The following AK6 variants were observed in gnomAD, a reference collection of about 807,000 sequenced individuals.
The protein encoded by AK6 is adenylate kinase 6.
In AK6, 24 loss-of-function variants were observed where a neutral mutation model predicts 23.7. The ratio of observed to expected loss-of-function variants is 1.01; its 90% CI spans 0.73 to 1.43. The LOEUF is 1.43. AK6 is among the 40% of genes most tolerant of loss of function. The probability of loss-of-function intolerance (pLI) is 0.00; values close to 1 mark genes in which losing one functional copy is unlikely to be tolerated. For synonymous variants in AK6, 73 were observed against 69.8 expected (o/e 1.05, Z -0.23); for missense variants, 191 against 199.1 (o/e 0.96, Z 0.24).
intron 1 of AK6, among the ~76,000 whole-genome samples, chr5:69,368,476 T>C (rs1314703603): frequency 1.3e-5 from 2 of 152,190 alleles, no homozygotes; most frequent in Non-Finnish European, 2.9e-5. Flanking sequence ...GTTTTGACAA[T>C]GACTTAATAA....
intron 4 of AK6, 110 bp from the exon 5 acceptor site, chr5:69,352,363 A>T: frequency 2.5e-6 from 2 of 803,940 alleles, no homozygotes; most frequent in South Asian, 3.6e-5. Context: ...AAATTACAGA[A>T]ATGGTCTCTT....
chr5:69,363,985 G>A (rs551300036), intron 2 of AK6, among the ~76,000 whole-genome samples: 6 of 152,108 alleles, frequency 3.9e-5, no homozygotes, highest in Non-Finnish European at 8.8e-5. Context: ...CTACTTGGGA[G>A]GCTGAGGTGC....
At chr5:69,364,879 C>T in intron 2 of AK6, 1 of 1,384,666 alleles carries the variant, frequency 7.2e-7, no homozygotes, top group South Asian at 1.3e-5. Flanking sequence ...ATCCAGCATG[C>T]ATGTTTAATA....
rs1025219080 is a variant in AK6, at chr5:69,366,569, G to A, written c.55C>T (p.Leu19=). ...GATTTTGACGCAAGTTCTTTGCCTAGTGTGGTTTTTCCAACCCCTGGTGTA... is the reference window on the plus strand; with the variant it reads ...GATTTTGACGCAAGTTCTTTGCCTAATGTGGTTTTTCCAACCCCTGGTGTA... The part of the protein sequence containing the change: ...TGTPGVGKTT[L]GKELASKSGL... The change falls in exon 2 of 5, where the codon CTA becomes TTA. Residue 19 remains leucine, a synonymous_variant. Coordinates refer to ENST00000380822, the MANE Select transcript of AK6 (RefSeq NM_016283.5). 2 of 1,613,944 alleles carry A rather than the reference G, an allele frequency of 1.2e-6. No homozygotes were observed. Among genetic ancestry groups the A allele is most frequent in the Admixed American group, 3.3e-5 (2 of 60,012 alleles).
chr5:69,353,060 G>T (rs748733505), intron 4 of AK6, among the ~76,000 whole-genome samples: 23 of 152,146 alleles, frequency 1.5e-4, no homozygotes, highest in Non-Finnish European at 3.1e-4. Context: ...ATATTATTTG[G>T]CAATAAAAAG....
At chr5:69,364,532 C>T (rs4252234) in intron 2 of AK6, among the ~76,000 whole-genome samples, 5 of 152,134 alleles carry the variant, frequency 3.3e-5, no homozygotes, top group Admixed American at 1.3e-4. Flanking sequence ...CATGGTTATA[C>T]TTCAGCAATC....
chr5:69,355,563 C>T (rs1762061490), intron 4 of AK6, 86 bp downstream of exon 4: 1 of 1,372,232 alleles, frequency 7.3e-7, no homozygotes, highest in Non-Finnish European at 9.8e-7. Flanking sequence ...AAACAAACAA[C>T]AACAATCTTT....
intron 2 of AK6, chr5:69,365,355 C>T: frequency 6.2e-7 from 1 of 1,614,154 alleles, no homozygotes; most frequent in Non-Finnish European, 8.5e-7. Context: ...AGATTTCAGC[C>T]TATAGTTTGG....
chr5:69,359,193 C>T (rs1268797908), intron 2 of AK6, among the ~76,000 whole-genome samples: 2 of 151,502 alleles, frequency 1.3e-5, no homozygotes, highest in African/African-American at 4.9e-5. Context: ...GATTGCACCA[C>T]TGTATTCCAG....
In AK6 at chr5:69,355,955, TAA is replaced by T; in HGVS notation, c.122-4_122-3del. ...CATCATAGCCATCATACAATTGCTCTAAAAGAGATTTAGAATTGCTTGTTGAA... is the reference window on the plus strand; with the variant it reads ...CATCATAGCCATCATACAATTGCTCTAAGAGATTTAGAATTGCTTGTTGAA... On this transcript the variant is annotated splice_polypyrimidine_tract_variant and splice_region_variant and intron_variant, in intron 2 of 4. Transcript: ENST00000380822. 6.3e-7 allele frequency: 1 copy of T among 1,595,870 alleles called. No individual in the cohort carries two copies. Among genetic ancestry groups the T allele is most frequent in the Non-Finnish European group, 8.5e-7 (1 of 1,174,752 alleles).
intron 1 of AK6, 99 bp from the exon 2 acceptor site, chr5:69,366,694 ACCTGGCCTCTGCCCTT>A: frequency 5.8e-6 from 5 of 863,446 alleles, no homozygotes; most frequent in Non-Finnish European, 9.5e-6. Context: ...ACAGAGTCTC[ACCTGGCCTCTGCCCTT>A]AAAAGTTCTT....
At chr5:69,365,198 C>A (rs779498095) in intron 2 of AK6, 7 of 1,614,190 alleles carry the variant, frequency 4.3e-6, no homozygotes. Context: ...CTGTGAGGGA[C>A]ATGGGAGTCC....
chr5:69,368,370 C>T (rs1170836204), intron 1 of AK6, among the ~76,000 whole-genome samples: 2 of 152,130 alleles, frequency 1.3e-5, no homozygotes, highest in Non-Finnish European at 2.9e-5. Flanking sequence ...ATCCAGTTCC[C>T]ATACCCAGGA....
intron 2 of AK6, among the ~76,000 whole-genome samples, chr5:69,363,523 G>A (rs1450724740): frequency 1.3e-5 from 2 of 152,196 alleles, no homozygotes; most frequent in African/African-American, 2.4e-5. Flanking sequence ...GGTGGCCCAC[G>A]CCTGTAATCC....
intron 2 of AK6, chr5:69,364,970 A>T: frequency 6.2e-7 from 1 of 1,612,812 alleles, no homozygotes; most frequent in Non-Finnish European, 8.5e-7. Flanking sequence ...CATCATCATC[A>T]TCATCGTCAT....
At chr5:69,369,226 ACC>A (rs200123392) in intron 1 of AK6, 16 of 124,428 alleles carry the variant, frequency 1.3e-4, no homozygotes, top group East Asian at 2.6e-4. Context: ...ACCTCTCTCC[ACC>A]CCCCCCCGCC....
In AK6 at chr5:69,352,122, T is replaced by C; in HGVS notation, c.458A>G (p.Glu153Gly). The C allele has an allele frequency of 1.9e-6, 3 of 1,613,762 alleles. No homozygotes were observed. The highest frequency in any genetic ancestry group is 2.5e-6 in the Non-Finnish European group (3 of 1,179,838). Residue 153 changes from glutamate (E) to glycine (G), a missense_variant, in exon 5 of 5, where the codon GAA becomes GGA. Glu to Gly is a moderately conservative substitution (Grantham distance 98). Transcript: ENST00000380822. The stretch of plus-strand genomic sequence containing the variant: ...TTTCAAGATCTGATCTACATTATTT[T>C]CTAGCTCTTCTGGTTTATTACTGGG... ...QLPSNKPEEL[E>G]NNVDQILKWI...
At chr5:69,369,312 G>A (rs967773752) in intron 1 of AK6, 151 bp downstream of exon 1, 2 of 594,372 alleles carry the variant, frequency 3.4e-6, no homozygotes, top group Non-Finnish European at 2.4e-6. Context: ...GCCCGCGAGG[G>A]TCGGCTCCCG....
At position 69,364,209 on chromosome 5, in the gene AK6, TA is replaced by T. The variant is rs922839183; in HGVS notation, c.121+2293del. Among the ~76,000 whole-genome samples the T allele has an allele frequency of 3.6e-3, 536 of 150,410 alleles. 10 individuals carry two copies. Among genetic ancestry groups the T allele is most frequent in the African/African-American group, 0.011 (473 of 41,168 alleles). The stretch of plus-strand genomic sequence containing the variant: ...TTTTGGACAAAAAAATATTTTAAAT[TA>T]AAAAAAATATATATATATATAAACA... On this transcript the variant is annotated intron_variant, in intron 2 of 4. Coordinates refer to ENST00000380822, the MANE Select transcript of AK6 (RefSeq NM_016283.5).
Sources: gnomAD v4.1 joint callset for allele counts (sites outside exome capture counted in the v4.1 genomes callset) on GRCh38, gnomAD v4.1.1 for gene constraint, MANE v1.5 for transcripts, NCBI Gene and HGNC (gene_info 2026-07-23, HGNC 2026-07-21) for gene names.